PRKAR1A: variants seen among roughly 807,000 people sequenced by gnomAD.
The protein encoded by PRKAR1A is protein kinase cAMP-dependent type I regulatory subunit alpha.
A neutral mutation model predicts 52.0 loss-of-function variants in PRKAR1A; 3 were observed. The ratio of observed to expected loss-of-function variants is 0.06; its 90% CI spans 0.03 to 0.15. The LOEUF (loss-of-function observed/expected upper bound fraction) is 0.15. PRKAR1A is among the 10% of genes least tolerant of loss of function. PRKAR1A has a pLI of 1.00. For synonymous variants in PRKAR1A, 188 were observed against 168.4 expected (o/e 1.12, Z -0.90); for missense variants, 240 against 477.4 (o/e 0.50, Z 4.63).
chr17:68,515,017 C>A, intron 1 of PRKAR1A: 1 of 301,910 alleles, frequency 3.3e-6, no homozygotes, highest in Non-Finnish European at 6.4e-6. Flanking sequence ...ATTCTGTATC[C>A]TGTTTACCGT....
the PRKAR1A span, among the ~76,000 whole-genome samples, chr17:68,425,750 C>G: frequency 2.0e-5 from 3 of 152,110 alleles, no homozygotes; most frequent in Non-Finnish European, 4.4e-5. Flanking sequence ...GTCACGTGTT[C>G]CTACCTTCCA....
the PRKAR1A span, among the ~76,000 whole-genome samples, chr17:68,477,665 C>A: frequency 6.6e-6 from 1 of 151,004 alleles, no homozygotes; most frequent in Non-Finnish European, 1.5e-5. Flanking sequence ...CTCCTATGTT[C>A]GATCTAATGC....
At chr17:68,494,013 C>T in the PRKAR1A span, among the ~76,000 whole-genome samples, 2 of 152,030 alleles carry the variant, frequency 1.3e-5, no homozygotes, top group Non-Finnish European at 2.9e-5. Flanking sequence ...TTCTTCACAA[C>T]GTTGTGAATA....
chr17:68,531,778 T>C lies in PRKAR1A; in HGVS notation c.*1329T>C, dbSNP rs2085982005. 9 of 1,038,854 alleles carry C rather than the reference T, an allele frequency of 8.7e-6. No individual in the cohort carries two copies. Among genetic ancestry groups the C allele is most frequent in the South Asian group, 9.3e-5 (2 of 21,396 alleles). The allele number at this position is 1,038,854 out of a possible 1,614,324, so 64.4% of individuals were successfully genotyped here. A position where few individuals can be genotyped will look rare whatever the true frequency, so the allele number is the denominator to read the frequency against. The stretch of plus-strand genomic sequence containing the variant: ...TGTATTTCAGTATTTTCCAGCCTTA[T>C]GTGTTACATTATTCCAATGATACCC... On this transcript the variant is annotated 3_prime_UTR_variant, in exon 11 of 11. Coordinates refer to ENST00000589228, the MANE Select transcript of PRKAR1A (RefSeq NM_002734.5).
At chr17:68,528,043 G>A in intron 8 of PRKAR1A, 143 bp downstream of exon 8, 1 of 724,028 alleles carries the variant, frequency 1.4e-6, no homozygotes, top group Non-Finnish European at 2.4e-6. Context: ...CCTTCTGACT[G>A]TGGACATTCA....
At chr17:68,487,736 G>T in the PRKAR1A span, among the ~76,000 whole-genome samples, 2 of 151,510 alleles carry the variant, frequency 1.3e-5, no homozygotes, top group Admixed American at 6.6e-5. Context: ...GGAGGCGGAG[G>T]TTGCAGTGAG....
At chr17:68,472,938 C>T in the PRKAR1A span, among the ~76,000 whole-genome samples, 1 of 151,598 alleles carries the variant, frequency 6.6e-6, no homozygotes, top group Admixed American at 6.6e-5. Context: ...GAGTGATACT[C>T]TGTCTCAAAA....
At chr17:68,514,046 C>T (rs939833871) in intron 1 of PRKAR1A, among the ~76,000 whole-genome samples, 2 of 152,058 alleles carry the variant, frequency 1.3e-5, no homozygotes, top group South Asian at 2.1e-4. Flanking sequence ...ATAAATCTAT[C>T]CTAAAGTAAA....
chr17:68,420,445 C>A, the PRKAR1A span: 66 of 1,613,874 alleles, frequency 4.1e-5, no homozygotes, highest in Non-Finnish European at 5.1e-5. Context: ...AAATTGCCTG[C>A]CGCTGTCAAG....
the PRKAR1A span, among the ~76,000 whole-genome samples, chr17:68,467,421 T>C: frequency 6.6e-6 from 1 of 152,230 alleles, no homozygotes; most frequent in Admixed American, 6.5e-5. Context: ...TTGCCAACAC[T>C]TGTTATTTTC....
the PRKAR1A span, among the ~76,000 whole-genome samples, chr17:68,478,776 A>G: frequency 6.6e-6 from 1 of 150,592 alleles, no homozygotes; most frequent in Non-Finnish European, 1.5e-5. Context: ...AGCCCAGGCT[A>G]GAGCACAGTG....
At chr17:68,463,917 C>A in the PRKAR1A span, among the ~76,000 whole-genome samples, 1 of 152,170 alleles carries the variant, frequency 6.6e-6, no homozygotes, top group Non-Finnish European at 1.5e-5. Flanking sequence ...CACTTTAGCA[C>A]GTTCAAGTCT....
At chr17:68,423,431 G>C in the PRKAR1A span, among the ~76,000 whole-genome samples, 1 of 152,314 alleles carries the variant, frequency 6.6e-6, no homozygotes, top group East Asian at 1.9e-4. This position sits in a 1 kb window ranked among gnomAD's most constrained non-coding sequence, Gnocchi z 4.4. Context: ...CTACCTGCAG[G>C]CTGGAGGGCA....
At chr17:68,470,769 C>T in the PRKAR1A span, among the ~76,000 whole-genome samples, 2 of 152,186 alleles carry the variant, frequency 1.3e-5, no homozygotes, top group Non-Finnish European at 2.9e-5. Context: ...CAAAGATTAT[C>T]TCTATTATTA....
intron 1 of PRKAR1A, among the ~76,000 whole-genome samples, chr17:68,513,907 G>A (rs988994747): frequency 6.6e-6 from 1 of 152,128 alleles, no homozygotes; most frequent in African/African-American, 2.4e-5. Context: ...ATATGACAAT[G>A]CTTTGAAGCA....
chr17:68,506,936 G>A (rs527594662), upstream of PRKAR1A, among the ~76,000 whole-genome samples: 2 of 152,270 alleles, frequency 1.3e-5, no homozygotes, highest in South Asian at 4.1e-4. Flanking sequence ...TTCAGGATCT[G>A]TGACCACCTT....
At chr17:68,461,353 A>T in the PRKAR1A span, among the ~76,000 whole-genome samples, 1 of 152,202 alleles carries the variant, frequency 6.6e-6, no homozygotes, top group East Asian at 1.9e-4. This position sits in a 1 kb window ranked among gnomAD's most constrained non-coding sequence, Gnocchi z 4.6. Flanking sequence ...GCCACAGTTC[A>T]TCTAATGGAG....
chr17:68,421,922 G>C, the PRKAR1A span: 1 of 1,477,090 alleles, frequency 6.8e-7, no homozygotes, highest in Non-Finnish European at 9.4e-7. Context: ...AGCAGGGAGA[G>C]GCTGGGCACT....
intron 11 of PRKAR1A, among the ~76,000 whole-genome samples, chr17:68,550,245 A>G (rs939253421): frequency 2.6e-5 from 4 of 152,118 alleles, no homozygotes; most frequent in African/African-American, 9.6e-5. Context: ...GTTTTATATG[A>G]TGGGATTTTA....
Sources: allele counts gnomAD v4.1 joint callset (sites outside exome capture counted in the v4.1 genomes callset), GRCh38; gene constraint gnomAD v4.1.1; non-coding constraint Gnocchi (gnomAD v3.1); transcripts MANE v1.5; gene names NCBI Gene and HGNC (gene_info 2026-07-23, HGNC 2026-07-21).